Variants in XRCC5 observed in about 807,000 individuals in gnomAD.
XRCC5 encodes the protein DNA repair protein Ku80.
XRCC5 carries 12 observed loss-of-function variants against 95.7 expected under a neutral mutation model. The observed-to-expected ratio is 0.13, with a 90% CI of 0.08 to 0.20. The LOEUF is 0.20. Ranked by LOEUF, XRCC5 falls within the 10% of genes least tolerant of loss-of-function variation. The probability of loss-of-function intolerance (pLI) is 1.00; values close to 1 mark genes in which losing one functional copy is unlikely to be tolerated. For missense variants in XRCC5, 595 were observed against 873.9 expected, an observed-to-expected ratio of 0.68 and a Z score of 4.02; for synonymous variants, 281 against 290.3, an observed-to-expected ratio of 0.97 and a Z score of 0.33.
chr2:216,114,992 C>T (rs951645311), intron 2 of XRCC5, among the ~76,000 whole-genome samples: 1 of 151,620 alleles, frequency 6.6e-6, no homozygotes, highest in Non-Finnish European at 1.5e-5. Flanking sequence ...GAAAAGATGG[C>T]GCCGGTGGTT....
rs1428820444 is a variant in XRCC5, at chr2:216,205,435, G to A, written c.*233G>A. ...AAAGAGTCATTGTTATTTTCTGGTT[G>A]GTGTATTATTTTTTCTGTGGTCTTA... On this transcript the variant is annotated 3_prime_UTR_variant, in exon 21 of 21. Transcript: ENST00000392132. 3.7e-6 allele frequency: 2 copies of A among 535,528 alleles called. No homozygotes were observed. The highest frequency in any genetic ancestry group is 3.8e-5 in the African/African-American group (2 of 52,036). 33.2% of individuals were successfully genotyped at this position (535,528 alleles called of 1,614,324 possible). A position where few individuals can be genotyped will look rare whatever the true frequency, so the allele number is the denominator to read the frequency against.
intron 2 of XRCC5, among the ~76,000 whole-genome samples, chr2:216,113,796 A>G (rs1194495149): frequency 6.6e-6 from 1 of 152,172 alleles, no homozygotes; most frequent in Non-Finnish European, 1.5e-5. Context: ...TATAGTTTCA[A>G]TTTTCACATG....
chr2:216,117,667 A>G, intron 3 of XRCC5, 79 bp from the exon 4 acceptor site: 1 of 1,462,248 alleles, frequency 6.8e-7, no homozygotes, highest in Non-Finnish European at 9.6e-7. Context: ...AATTTCCAGC[A>G]CGGTGGACTT....
intron 16 of XRCC5, among the ~76,000 whole-genome samples, chr2:216,185,076 G>A (rs1260887203): frequency 6.6e-6 from 1 of 152,166 alleles, no homozygotes; most frequent in East Asian, 1.9e-4. Context: ...TTGGTCCTCA[G>A]TGTCTTCAGC....
intron 16 of XRCC5, among the ~76,000 whole-genome samples, chr2:216,188,073 CTT>C (rs1381131338): frequency 1.3e-5 from 2 of 152,088 alleles, no homozygotes; most frequent in East Asian, 1.9e-4. Flanking sequence ...AATCCTCACT[CTT>C]TTTTCTTCCC....
intron 16 of XRCC5, chr2:216,175,515 T>C: frequency 2.2e-6 from 1 of 456,212 alleles, no homozygotes; most frequent in Non-Finnish European, 4.3e-6. Flanking sequence ...TGTATCATGA[T>C]CATCAAAAGT....
At chr2:216,167,568 G>T (rs1414484909) in intron 16 of XRCC5, among the ~76,000 whole-genome samples, 4 of 100,128 alleles carry the variant, frequency 4.0e-5, no homozygotes, top group Admixed American at 1.1e-4. Flanking sequence ...GTGTGTGTGG[G>T]TTTGTGTGTG....
chr2:216,138,062 G>A, intron 11 of XRCC5, 27 bp from the exon 12 acceptor site: 8 of 1,555,982 alleles, frequency 5.1e-6, no homozygotes, highest in Non-Finnish European at 6.1e-6. Context: ...CATCGTTTCT[G>A]CTTTTACCCC....
chr2:216,153,477 A>G (rs1398445399), intron 14 of XRCC5, among the ~76,000 whole-genome samples: 1 of 152,228 alleles, frequency 6.6e-6, no homozygotes, highest in African/African-American at 2.4e-5. Flanking sequence ...CAGGGTTCCA[A>G]AGATTGATAT....
chr2:216,161,071 G>A (rs1688943206), intron 15 of XRCC5, among the ~76,000 whole-genome samples: 1 of 152,100 alleles, frequency 6.6e-6, no homozygotes, highest in South Asian at 2.1e-4. Context: ...TTAACACAAT[G>A]TACTAGGAAG....
At chr2:216,118,934 A>C (rs1696751307) in intron 4 of XRCC5, 109 bp from the exon 5 acceptor site, 1 of 1,135,552 alleles carries the variant, frequency 8.8e-7, no homozygotes. Flanking sequence ...CACATTTATT[A>C]ACTCTAGATC....
chr2:216,137,792 TC>T (rs894754972), intron 11 of XRCC5, among the ~76,000 whole-genome samples: 50 of 152,346 alleles, frequency 3.3e-4, no homozygotes, highest in African/African-American at 1.1e-3. Context: ...TATCTTGACT[TC>T]CAGGTCAACC....
At chr2:216,138,258 T>A (rs879265759) in intron 12 of XRCC5, 79 bp downstream of exon 12, 20 of 1,282,822 alleles carry the variant, frequency 1.6e-5, no homozygotes, top group Admixed American at 1.4e-4. Flanking sequence ...AGTTGTTGGT[T>A]GGGGCTAGGT....
At chr2:216,155,509 G>T (rs1688824873) in intron 14 of XRCC5, among the ~76,000 whole-genome samples, 1 of 152,128 alleles carries the variant, frequency 6.6e-6, no homozygotes, top group Admixed American at 6.5e-5. Flanking sequence ...GAATATGGGA[G>T]AAACAGGAAC....
chr2:216,153,638 T>G (rs570372256), intron 14 of XRCC5, among the ~76,000 whole-genome samples: 1 of 152,306 alleles, frequency 6.6e-6, no homozygotes, highest in African/African-American at 2.4e-5. Context: ...ACCCCCAACT[T>G]AAAGCTCAGG....
At chr2:216,127,784 T>C in intron 8 of XRCC5, 110 bp downstream of exon 8, 8 of 1,244,426 alleles carry the variant, frequency 6.4e-6, no homozygotes, top group South Asian at 1.6e-5. Flanking sequence ...CTTTGAGTTA[T>C]AGAAATATAA....
intron 19 of XRCC5, among the ~76,000 whole-genome samples, chr2:216,201,783 G>A (rs1435399700): frequency 2.0e-5 from 3 of 152,176 alleles, no homozygotes; most frequent in African/African-American, 7.2e-5. Context: ...TGAGTTCTCT[G>A]CTCTATCTTG....
chr2:216,138,214 A>G lies in XRCC5; in HGVS notation c.1342+35A>G, dbSNP rs41296394. 2.2e-3 allele frequency: 3,479 copies of G among 1,568,346 alleles called. 126 individuals are homozygous for G. In the Admixed American group the frequency reaches 0.056, roughly 25 times the overall value. ...TTTTCATTTAGATCACTCATTGACT[A>G]CACACACTGTTCTTGGGAAATCACC... On this transcript the variant is annotated intron_variant, in intron 12 of 20. Coordinates refer to ENST00000392132, the MANE Select transcript of XRCC5 (RefSeq NM_021141.4).
chr2:216,145,883 T>G (rs1688620677), intron 13 of XRCC5, among the ~76,000 whole-genome samples: 1 of 152,230 alleles, frequency 6.6e-6, no homozygotes, highest in Non-Finnish European at 1.5e-5. Flanking sequence ...TTCAGGAGTT[T>G]ATGAGAGGTA....
Sources: allele counts gnomAD v4.1 joint callset (sites outside exome capture counted in the v4.1 genomes callset), GRCh38; gene constraint gnomAD v4.1.1; transcripts MANE v1.5; gene names NCBI Gene and HGNC (gene_info 2026-07-23, HGNC 2026-07-21).